TRPM1: variants seen among roughly 807,000 people sequenced by gnomAD.
The protein encoded by TRPM1 is TRPM1-203 APA Isoform, Intron 10.
In TRPM1, 113 loss-of-function variants were observed where a neutral mutation model predicts 149.4. That is an observed-to-expected ratio of 0.76 (90% confidence interval 0.65 to 0.88). The LOEUF (loss-of-function observed/expected upper bound fraction) is 0.88, where lower values mean the gene tolerates loss of function less well. Among genes scored for constraint, TRPM1 ranks in the 40% least tolerant of loss-of-function variants. The pLI is 0.00. For missense variants in TRPM1, 1,976 were observed against 2,038.7 expected (o/e 0.97, Z 0.59); for synonymous variants, 741 against 759.5 (o/e 0.98, Z 0.40).
chr15:31,054,730 T>C lies in TRPM1; in HGVS notation c.1264-4148A>G, dbSNP rs567899639. On this transcript the variant is annotated intron_variant, in intron 11 of 27. Coordinates refer to ENST00000256552, the MANE Select transcript of TRPM1 (RefSeq NM_001252024.2). The stretch of plus-strand genomic sequence containing the variant: ...ATGATGCTTAAATATATGTATACAT[T>C]GTGGAACGATGAAGCTAATTAACAT... Among the ~76,000 whole-genome samples the C allele has an allele frequency of 2.6e-5, 4 of 152,364 alleles. No homozygotes were observed. The South Asian group carries it at 8.3e-4, about 32-fold the overall frequency.
Position 31,001,649 on chromosome 15 carries a change from C to G in TRPM1, c.*173G>C, listed in dbSNP as rs545342585. On this transcript the variant is annotated 3_prime_UTR_variant, in exon 28 of 28. Transcript: ENST00000256552. ...ACTGCAACTGAAAAAACTAAGCCTA[C>G]TAACATATGCTAACAAAATACTACT... The G allele has an allele frequency of 6.0e-5, 40 of 669,826 alleles. No homozygotes were observed. The Admixed American group carries it at 6.1e-4, about 10-fold the overall frequency. 41.5% of individuals were successfully genotyped at this position (669,826 alleles called of 1,614,324 possible). A position where few individuals can be genotyped will look rare whatever the true frequency, so the allele number is the denominator to read the frequency against.
intron 1 of TRPM1, among the ~76,000 whole-genome samples, chr15:31,157,248 G>A (rs1596108175): frequency 1.3e-5 from 2 of 152,172 alleles, no homozygotes; most frequent in East Asian, 3.9e-4. Context: ...TATGTTCTGA[G>A]GTTTATCCAT....
chr15:31,022,607 T>C (rs1227246713), intron 27 of TRPM1, among the ~76,000 whole-genome samples: 1 of 152,240 alleles, frequency 6.6e-6, no homozygotes, highest in Non-Finnish European at 1.5e-5. Context: ...ATCCTTTGGC[T>C]CTTGAGTCTG....
intron 21 of TRPM1, 132 bp downstream of exon 21, chr15:31,035,414 G>A (rs1397932548): frequency 3.0e-6 from 4 of 1,322,150 alleles, no homozygotes; most frequent in Non-Finnish European, 4.3e-6. Context: ...CCAGAGTGCT[G>A]GGATTACAGG....
intron 1 of TRPM1, among the ~76,000 whole-genome samples, chr15:31,153,052 C>G (rs2036324280): frequency 6.6e-6 from 1 of 152,190 alleles, no homozygotes; most frequent in Non-Finnish European, 1.5e-5. Flanking sequence ...AAGTATTTTA[C>G]CCTAAAATAT....
intron 1 of TRPM1, 87 bp from the exon 2 acceptor site, chr15:31,081,525 T>G (rs1234996743): frequency 4.9e-6 from 4 of 811,884 alleles, no homozygotes; most frequent in Non-Finnish European, 7.8e-6. Context: ...GCCCTCCCTT[T>G]GTTCCAGTCT....
intron 1 of TRPM1, among the ~76,000 whole-genome samples, chr15:31,134,102 T>C (rs929093129): frequency 4.0e-5 from 6 of 151,266 alleles, no homozygotes; most frequent in African/African-American, 1.5e-4. Flanking sequence ...GTGGCTGGAG[T>C]GTTGAGAAGG....
At chr15:31,148,912 G>A (rs1398801997) in intron 1 of TRPM1, among the ~76,000 whole-genome samples, 1 of 152,132 alleles carries the variant, frequency 6.6e-6, no homozygotes, top group Non-Finnish European at 1.5e-5. Context: ...TGGGCACCAG[G>A]TCTCCTCCTC....
At chr15:31,108,384 T>C (rs1215591041) in intron 1 of TRPM1, among the ~76,000 whole-genome samples, 1 of 152,210 alleles carries the variant, frequency 6.6e-6, no homozygotes, top group Non-Finnish European at 1.5e-5. Flanking sequence ...TAATTTGCAT[T>C]TATCTTACTA....
At position 31,002,676 on chromosome 15, in the gene TRPM1, A is replaced by G. The variant is rs2031827778; in HGVS notation, c.4024T>C (p.Cys1342Arg). ...KDVKTHLVPECQNSLHLSLGT... is the reference protein window; with the variant it reads ...KDVKTHLVPERQNSLHLSLGT... ...AGTGAAAGGTGAAGACTGTTCTGAC[A>G]TTCTGGGACTAGGTGCGTTTTCACG... The change falls in exon 28 of 28, where the codon TGT (cysteine) becomes CGT (arginine). Residue 1342 changes from cysteine to arginine, a missense_variant. By Grantham distance (180) the Cys-to-Arg change is radical. Transcript: ENST00000256552. 1 of 1,614,198 alleles carries G rather than the reference A, an allele frequency of 6.2e-7. No individual in the cohort carries two copies. The highest frequency in any genetic ancestry group is 8.5e-7 in the Non-Finnish European group (1 of 1,180,034).
intron 23 of TRPM1, 114 bp from the exon 24 acceptor site, chr15:31,029,505 A>G (rs1595992067): frequency 9.7e-7 from 1 of 1,030,014 alleles, no homozygotes; most frequent in Non-Finnish European, 1.5e-6. Context: ...TAACAACATA[A>G]CTGTTTTGCT....
chr15:31,046,924 G>A (rs1459632804), intron 15 of TRPM1, among the ~76,000 whole-genome samples, 187 bp downstream of exon 15: 1 of 152,244 alleles, frequency 6.6e-6, no homozygotes, highest in African/African-American at 2.4e-5. Flanking sequence ...GATGGGCGGG[G>A]CGGCCCGTGC....
At chr15:31,154,797 AC>A (rs1330327267) in intron 1 of TRPM1, among the ~76,000 whole-genome samples, 1 of 151,992 alleles carries the variant, frequency 6.6e-6, no homozygotes, top group Non-Finnish European at 1.5e-5. Flanking sequence ...TGCTGGTACC[AC>A]CCAGATCAAT....
Position 31,060,394 on chromosome 15 carries a change from A to G in TRPM1, c.1263+150T>C, listed in dbSNP as rs922326544. 10 of 714,320 alleles carry G rather than the reference A, an allele frequency of 1.4e-5. No homozygotes were observed. In the African/African-American group the frequency reaches 1.6e-4, roughly 11 times the overall value. The allele number at this position is 714,320 out of a possible 1,614,324, so 44.2% of individuals were successfully genotyped here. On this transcript the variant is annotated intron_variant, in intron 11 of 27. Transcript: ENST00000256552. ...GTTGGTTCTTTGAAGTTAAACAGTG[A>G]CATCTTCTAATGAGCCTAATAGATT...
At chr15:31,134,267 G>A (rs1294314971) in intron 1 of TRPM1, among the ~76,000 whole-genome samples, 2 of 152,174 alleles carry the variant, frequency 1.3e-5, no homozygotes, top group Admixed American at 6.5e-5. Context: ...TATTAGTTAT[G>A]ATGCTAATGG....
At chr15:31,005,389 T>A (rs1288863364) in intron 27 of TRPM1, among the ~76,000 whole-genome samples, 1 of 152,178 alleles carries the variant, frequency 6.6e-6, no homozygotes, top group Non-Finnish European at 1.5e-5. Flanking sequence ...GCCACTCATA[T>A]ATGAAAAACA....
intron 1 of TRPM1, among the ~76,000 whole-genome samples, chr15:31,116,742 C>G (rs2035802473): frequency 6.6e-6 from 1 of 152,026 alleles, no homozygotes; most frequent in African/African-American, 2.4e-5. Context: ...TAAGAATTTC[C>G]TAGGGAACCC....
intron 17 of TRPM1, 90 bp downstream of exon 17, chr15:31,041,861 G>T: frequency 7.2e-7 from 1 of 1,386,634 alleles, no homozygotes; most frequent in Non-Finnish European, 1.0e-6. Context: ...TTGTCCTTAA[G>T]TGAGAAGTAC....
intron 27 of TRPM1, 38 bp downstream of exon 27, chr15:31,026,101 C>G (rs751042152): frequency 1.2e-6 from 2 of 1,607,528 alleles, no homozygotes; most frequent in South Asian, 2.2e-5. Flanking sequence ...TCAGCAAACC[C>G]TTGGCTCACG....
Sources: gnomAD v4.1 joint callset for allele counts (sites outside exome capture counted in the v4.1 genomes callset) on GRCh38, gnomAD v4.1.1 for gene constraint, MANE v1.5 for transcripts, NCBI Gene and HGNC (gene_info 2026-07-23, HGNC 2026-07-21) for gene names.